PDE4B: variants seen among roughly 807,000 people sequenced by gnomAD.
PDE4B encodes the protein 3',5'-cyclic-AMP phosphodiesterase 4B.
A neutral mutation model predicts 82.2 loss-of-function variants in PDE4B; 20 were observed. The ratio of observed to expected loss-of-function variants is 0.24; its 90% confidence interval spans 0.17 to 0.35. The LOEUF (loss-of-function observed/expected upper bound fraction) is 0.35, where lower values mean the gene tolerates loss of function less well. Among genes scored for constraint, PDE4B ranks in the 10% least tolerant of loss-of-function variants. PDE4B has a pLI of 1.00. For missense variants in PDE4B, 655 were observed against 907.2 expected (o/e 0.72, Z 3.57); for synonymous variants, 320 against 318.9 (o/e 1.00, Z -0.04).
chr1:66,209,123 A>T (rs1370288618), intron 3 of PDE4B, among the ~76,000 whole-genome samples: 1 of 152,206 alleles, frequency 6.6e-6, no homozygotes, highest in Non-Finnish European at 1.5e-5. Context: ...GTGTTTATAG[A>T]TAGTGACCTT....
At chr1:65,974,341 C>T (rs937682419) in intron 3 of PDE4B, among the ~76,000 whole-genome samples, 8 of 152,094 alleles carry the variant, frequency 5.3e-5, no homozygotes, top group African/African-American at 1.9e-4. Flanking sequence ...ATTAAGGTCT[C>T]ATTGTTATTT....
In PDE4B at chr1:66,066,545, C is replaced by T. The variant is rs115856681; in HGVS notation, c.281+147710C>T. Among the ~76,000 whole-genome samples, 698 of 151,956 alleles carry T rather than the reference C, an allele frequency of 4.6e-3. 7 individuals carry two copies. The highest frequency in any genetic ancestry group is 0.015 in the African/African-American group (639 of 41,510). On this transcript the variant is annotated intron_variant, in intron 3 of 16. Transcript: ENST00000341517. Reference sequence around the variant, plus strand: ...TATTGAAATGTTAATGCACATGTGACGTGCCAACATTTAGAAAAATGTAAA... The same window carrying T: ...TATTGAAATGTTAATGCACATGTGATGTGCCAACATTTAGAAAAATGTAAA...
chr1:66,211,906 C>T (rs185331800), intron 3 of PDE4B, among the ~76,000 whole-genome samples: 2 of 152,316 alleles, frequency 1.3e-5, no homozygotes, highest in African/African-American at 4.8e-5. Context: ...AAACCCAAAC[C>T]TTTATACTTG....
chr1:66,018,598 ATATC>A (rs1446587508), intron 3 of PDE4B, among the ~76,000 whole-genome samples: 2 of 152,212 alleles, frequency 1.3e-5, no homozygotes, highest in Non-Finnish European at 2.9e-5. Flanking sequence ...TTATATCAAA[ATATC>A]TGAGCACCTA....
chr1:66,372,522 T>A lies in PDE4B; in HGVS notation c.2055T>A (p.Asp685Glu). The A allele has an allele frequency of 6.2e-7, 1 of 1,614,092 alleles. No homozygotes were observed. The highest frequency in any genetic ancestry group is 8.5e-7 in the Non-Finnish European group (1 of 1,179,998). ...MEKFQFELTL[D>E]EEDSEGPEKE... ...AGTTTCAGTTTGAACTGACTCTCGA[T>A]GAGGAAGATTCTGAAGGACCTGAGA... The change falls in exon 17 of 17, where the codon GAT becomes GAA. Residue 685 changes from aspartate (D) to glutamate (E), a missense_variant. Asp to Glu is a conservative substitution (Grantham distance 45). Transcript: ENST00000341517.
At chr1:66,289,706 A>T (rs955901880) in intron 7 of PDE4B, among the ~76,000 whole-genome samples, 1 of 33,374 alleles carries the variant, frequency 3.0e-5, no homozygotes, top group Non-Finnish European at 9.3e-5. Flanking sequence ...AGAAAATGTT[A>T]TATATATATA....
At chr1:66,097,862 G>GTT (rs34619073) in intron 3 of PDE4B, among the ~76,000 whole-genome samples, 1,864 of 138,992 alleles carry the variant, frequency 0.013, 48 homozygotes, top group African/African-American at 0.047. Flanking sequence ...TTGCTGCTGG[G>GTT]TTTTTTTTTT....
At chr1:66,334,660 A>G (rs992480470) in intron 8 of PDE4B, among the ~76,000 whole-genome samples, 6 of 152,258 alleles carry the variant, frequency 3.9e-5, no homozygotes, top group African/African-American at 1.2e-4. Flanking sequence ...AGGGAAAGCA[A>G]TTATTTAGTG....
intron 3 of PDE4B, among the ~76,000 whole-genome samples, chr1:65,927,389 G>A (rs1336455203): frequency 6.8e-6 from 1 of 146,538 alleles, no homozygotes; most frequent in African/African-American, 2.5e-5. Flanking sequence ...TACATGTGAA[G>A]GCAGACTTAG....
intron 3 of PDE4B, among the ~76,000 whole-genome samples, chr1:66,036,976 T>C (rs1372821517): frequency 6.6e-6 from 1 of 151,802 alleles, no homozygotes; most frequent in Non-Finnish European, 1.5e-5. Context: ...CTACTAAAAA[T>C]ACAAAAAGTT....
At chr1:66,079,564 T>C (rs1656618668) in intron 3 of PDE4B, among the ~76,000 whole-genome samples, 1 of 152,082 alleles carries the variant, frequency 6.6e-6, no homozygotes, top group African/African-American at 2.4e-5. Flanking sequence ...TAAAGAAACT[T>C]CAGAGAATTC....
At chr1:66,197,893 G>A (rs890004252) in intron 3 of PDE4B, among the ~76,000 whole-genome samples, 3 of 152,140 alleles carry the variant, frequency 2.0e-5, no homozygotes, top group Admixed American at 2.0e-4. Context: ...ATTTACTGCT[G>A]TTTCTCTGGA....
intron 3 of PDE4B, among the ~76,000 whole-genome samples, chr1:66,039,568 T>C (rs1231878787): frequency 6.6e-6 from 1 of 152,062 alleles, no homozygotes; most frequent in African/African-American, 2.4e-5. Flanking sequence ...CATGTCTCTA[T>C]ATATCTATAA....
intron 3 of PDE4B, among the ~76,000 whole-genome samples, chr1:66,149,023 C>G (rs866159241): frequency 1.3e-5 from 2 of 152,302 alleles, no homozygotes; most frequent in Middle Eastern, 3.4e-3. Context: ...CATATGGTAA[C>G]TATGTTTAAC....
intron 1 of PDE4B, among the ~76,000 whole-genome samples, chr1:65,844,207 C>A (rs1026112017): frequency 1.3e-5 from 2 of 152,128 alleles, no homozygotes; most frequent in Non-Finnish European, 2.9e-5. Flanking sequence ...CAAAAGTCAA[C>A]AGAATAAAAG....
intron 3 of PDE4B, among the ~76,000 whole-genome samples, chr1:65,952,373 G>T (rs1649045340): frequency 6.6e-6 from 1 of 151,906 alleles, no homozygotes; most frequent in Non-Finnish European, 1.5e-5. Context: ...AAAAGAAAGT[G>T]AATTCCTAAC....
At chr1:66,204,246 A>T (rs553661050) in intron 3 of PDE4B, among the ~76,000 whole-genome samples, 1 of 152,350 alleles carries the variant, frequency 6.6e-6, no homozygotes, top group East Asian at 1.9e-4. Context: ...GTGAGGTGTC[A>T]GTCTGCCCCT....
In PDE4B at chr1:66,363,571, C is replaced by T. The variant is rs770006396; in HGVS notation, c.1284C>T (p.Asp428=). 19 of 1,610,070 alleles carry T rather than the reference C, an allele frequency of 1.2e-5. No homozygotes were observed. Among genetic ancestry groups the T allele is most frequent in the Middle Eastern group, 3.3e-4 (2 of 6,062 alleles). Residue 428 remains aspartate (D), a splice_region_variant and synonymous_variant, in exon 12 of 17, where the codon GAC becomes GAT. Transcript: ENST00000341517. ...TTCTCCTTTCTACACCAGCATTAGACGTGAGTAATTATGACCTGTTTTGCA... is the reference window on the plus strand; with the variant it reads ...TTCTCCTTTCTACACCAGCATTAGATGTGAGTAATTATGACCTGTTTTGCA... ...THVLLSTPAL[D]AVFTDLEILA... is the part of the protein sequence containing the mutation.
At chr1:65,894,479 T>A (rs1646887716) in intron 1 of PDE4B, among the ~76,000 whole-genome samples, 1 of 152,100 alleles carries the variant, frequency 6.6e-6, no homozygotes, top group Non-Finnish European at 1.5e-5. Context: ...GATCAAAGAT[T>A]TCTTAGAACA....
Sources: allele counts gnomAD v4.1 joint callset (sites outside exome capture counted in the v4.1 genomes callset), GRCh38; gene constraint gnomAD v4.1.1; transcripts MANE v1.5; gene names NCBI Gene and HGNC (gene_info 2026-07-23, HGNC 2026-07-21).